Variants in DPYSL5 observed in about 807,000 individuals in gnomAD.
DPYSL5 encodes dihydropyrimidinase like 5, also known as dihydropyrimidinase-related protein 5.
DPYSL5 carries 9 observed loss-of-function variants against 58.4 expected under a neutral mutation model. That is an observed-to-expected ratio of 0.15 (90% CI 0.09 to 0.27). DPYSL5 has a LOEUF of 0.27. Ranked by LOEUF, DPYSL5 falls within the 10% of genes least tolerant of loss-of-function variation. The pLI is 1.00. For missense variants in DPYSL5, 499 were observed against 770.6 expected (o/e 0.65, Z 4.17); for synonymous variants, 293 against 301.9 (o/e 0.97, Z 0.31).
chr2:26,860,129 C>T (rs1043528731), intron 1 of DPYSL5, among the ~76,000 whole-genome samples: 8 of 152,150 alleles, frequency 5.3e-5, no homozygotes, highest in African/African-American at 1.4e-4. Context: ...AAAGTGAAAA[C>T]GTGCACTGAG....
chr2:26,899,795 C>T (rs1281782151), intron 2 of DPYSL5, among the ~76,000 whole-genome samples: 2 of 152,206 alleles, frequency 1.3e-5, no homozygotes, highest in Non-Finnish European at 2.9e-5. Context: ...GCTTAACCCT[C>T]TGGCATCAGG....
In DPYSL5 at chr2:26,935,365, A is replaced by G. The variant is rs186072967; in HGVS notation, c.947+631A>G. ...GAAGGGTTTCTGTTTTATCCCAATA[A>G]CTGCTTGCAGCTTCTTTCTCTCTCC... On this transcript the variant is annotated intron_variant, in intron 8 of 12. Coordinates refer to ENST00000288699, the MANE Select transcript of DPYSL5 (RefSeq NM_020134.4). Among the ~76,000 whole-genome samples the G allele has an allele frequency of 1.7e-3, 252 of 152,166 alleles. 1 individual carries two copies. The highest frequency in any genetic ancestry group is 5.9e-3 in the African/African-American group (243 of 41,508).
In DPYSL5 at chr2:26,942,837, T is replaced by C; in HGVS notation, c.1440+87T>C. On this transcript the variant is annotated intron_variant, in intron 11 of 12. Coordinates refer to ENST00000288699, the MANE Select transcript of DPYSL5 (RefSeq NM_020134.4). This position sits in a 1 kb window ranked among gnomAD's most constrained non-coding sequence, Gnocchi z 5.9. Reference sequence around the variant, plus strand: ...GACTGTTTTAAATCTCAAAGAGATGTTCACTCCAGTTTTCGACCCAATTCC... The same window carrying C: ...GACTGTTTTAAATCTCAAAGAGATGCTCACTCCAGTTTTCGACCCAATTCC... 1 of 1,463,556 alleles carries C rather than the reference T, an allele frequency of 6.8e-7. No homozygotes were observed. Among genetic ancestry groups the C allele is most frequent in the Admixed American group, 1.9e-5 (1 of 52,994 alleles). The allele number at this position is 1,463,556 out of a possible 1,614,324, so 90.7% of individuals were successfully genotyped here.
intron 1 of DPYSL5, among the ~76,000 whole-genome samples, chr2:26,896,585 G>A (rs1664027025): frequency 6.6e-6 from 1 of 152,140 alleles, no homozygotes; most frequent in African/African-American, 2.4e-5. Flanking sequence ...TCTAACAGGT[G>A]TGTGGTGATA....
intron 1 of DPYSL5, among the ~76,000 whole-genome samples, chr2:26,870,332 C>T (rs975129745): frequency 2.0e-5 from 3 of 151,998 alleles, no homozygotes; most frequent in Admixed American, 6.6e-5. Context: ...GGTTTTTCTC[C>T]GTTGATTTGT....
intron 1 of DPYSL5, among the ~76,000 whole-genome samples, chr2:26,879,615 C>T (rs575351689): frequency 6.6e-6 from 1 of 152,290 alleles, no homozygotes; most frequent in African/African-American, 2.4e-5. Context: ...CCAAGGCCAG[C>T]TGTGCAGTGA....
intron 1 of DPYSL5, among the ~76,000 whole-genome samples, chr2:26,889,820 A>G (rs1663826430): frequency 6.6e-6 from 1 of 152,134 alleles, no homozygotes. Flanking sequence ...CACTATGTTC[A>G]TACACATGTG....
intron 12 of DPYSL5, among the ~76,000 whole-genome samples, chr2:26,946,250 A>G (rs1665479463): frequency 6.6e-6 from 1 of 152,084 alleles, no homozygotes. Flanking sequence ...GAGAGCCAAG[A>G]CTGGGCAGAA....
At chr2:26,876,400 G>A (rs141860279) in intron 1 of DPYSL5, among the ~76,000 whole-genome samples, 3 of 152,316 alleles carry the variant, frequency 2.0e-5, no homozygotes, top group East Asian at 1.9e-4. Flanking sequence ...CGAACCTGGT[G>A]GAGATAGAGC....
Position 26,915,248 on chromosome 2 carries a change from G to A in DPYSL5, c.262-9639G>A, listed in dbSNP as rs116577999. On this transcript the variant is annotated intron_variant, in intron 2 of 12. Transcript: ENST00000288699. ...CCAGGGATACCTCCTGCAGGGAATG[G>A]TACCCCATCCACCCAAGCCAGGCCT... Among the ~76,000 whole-genome samples, 1,071 of 152,144 alleles carry A rather than the reference G, an allele frequency of 7.0e-3. 11 individuals are homozygous for A. Among genetic ancestry groups the A allele is most frequent in the Non-Finnish European group, 0.013 (859 of 67,968 alleles).
In DPYSL5 at chr2:26,934,912, G is replaced by A. The variant is rs753189454; in HGVS notation, c.947+178G>A. 1.2e-4 allele frequency among the ~76,000 whole-genome samples: 18 copies of A among 152,146 alleles called. No individual in the cohort carries two copies. The highest frequency in any genetic ancestry group is 2.9e-5 in the Non-Finnish European group (2 of 68,020). The stretch of plus-strand genomic sequence containing the variant: ...GCCATCCTATTGGGATTTTATGACC[G>A]CTTGATATGGAGTGAGATCTTCTGA... On this transcript the variant is annotated intron_variant, in intron 8 of 12. Transcript: ENST00000288699. This position sits in a 1 kb window ranked among gnomAD's most constrained non-coding sequence, Gnocchi z 4.3.
chr2:26,942,788 C>T lies in DPYSL5; in HGVS notation c.1440+38C>T. The stretch of plus-strand genomic sequence containing the variant: ...GAGGAAGATGCAGGGGTGTTGGCGC[C>T]CCCTGCCGGGGAACATCCTCCATGA... On this transcript the variant is annotated intron_variant, in intron 11 of 12. Coordinates refer to ENST00000288699, the MANE Select transcript of DPYSL5 (RefSeq NM_020134.4). This position sits in a 1 kb window ranked among gnomAD's most constrained non-coding sequence, Gnocchi z 5.9. 6.2e-7 allele frequency: 1 copy of T among 1,600,490 alleles called. No homozygotes were observed. The highest frequency in any genetic ancestry group is 8.6e-7 in the Non-Finnish European group (1 of 1,169,500).
chr2:26,907,269 C>T (rs1664319572), intron 2 of DPYSL5, among the ~76,000 whole-genome samples: 1 of 151,978 alleles, frequency 6.6e-6, no homozygotes, highest in Non-Finnish European at 1.5e-5. Context: ...CGCCCGCCAC[C>T]ATGCCCAGCT....
At chr2:26,867,165 G>C (rs1264495814) in intron 1 of DPYSL5, among the ~76,000 whole-genome samples, 2 of 152,200 alleles carry the variant, frequency 1.3e-5, no homozygotes, top group Admixed American at 1.3e-4. Context: ...ATAAATATAT[G>C]TACATAGGTA....
intron 8 of DPYSL5, among the ~76,000 whole-genome samples, chr2:26,936,842 A>G (rs1665191312): frequency 6.6e-6 from 1 of 150,830 alleles, no homozygotes; most frequent in Non-Finnish European, 1.5e-5. Context: ...GCTACTCCAG[A>G]GGCTGAGGCA....
chr2:26,860,223 A>G (rs1317108458), intron 1 of DPYSL5, among the ~76,000 whole-genome samples: 4 of 152,230 alleles, frequency 2.6e-5, no homozygotes, highest in Non-Finnish European at 5.9e-5. Flanking sequence ...ATATAAATGT[A>G]TATAAAAACA....
At chr2:26,870,975 A>G (rs1663247784) in intron 1 of DPYSL5, among the ~76,000 whole-genome samples, 1 of 152,252 alleles carries the variant, frequency 6.6e-6, no homozygotes, top group African/African-American at 2.4e-5. Flanking sequence ...AATAAAATTT[A>G]AAATTCAGTT....
At chr2:26,918,010 G>A (rs939484414) in intron 2 of DPYSL5, among the ~76,000 whole-genome samples, 3 of 151,938 alleles carry the variant, frequency 2.0e-5, no homozygotes, top group African/African-American at 4.8e-5. Context: ...GATGGCACAC[G>A]CCTGTAGTTC....
Position 26,881,982 on chromosome 2 carries a change from T to A in DPYSL5, c.-4-16514T>A, listed in dbSNP as rs761050518. 1.0e-3 allele frequency among the ~76,000 whole-genome samples: 157 copies of A among 149,868 alleles called. 1 individual carries two copies. Among genetic ancestry groups the A allele is most frequent in the Non-Finnish European group, 2.7e-4 (18 of 67,728 alleles). ...GGTGGGCACCTGCAGTCTCAGCTAC[T>A]CGGGAGGCTGAGGCAGGAGAATGGC... is the stretch of plus-strand genomic sequence containing the variant. On this transcript the variant is annotated intron_variant, in intron 1 of 12. Transcript: ENST00000288699.
Sources: allele counts gnomAD v4.1 joint callset (sites outside exome capture counted in the v4.1 genomes callset), GRCh38; gene constraint gnomAD v4.1.1; non-coding constraint Gnocchi (gnomAD v3.1); transcripts MANE v1.5; gene names NCBI Gene and HGNC (gene_info 2026-07-23, HGNC 2026-07-21).